Variants in FRMD4B observed in about 807,000 individuals in gnomAD.
FRMD4B encodes FERM domain-containing protein 4B.
Under a neutral mutation model 141.5 loss-of-function variants are expected in FRMD4B, and 74 were observed. The observed-to-expected ratio is 0.52, with a 90% CI of 0.43 to 0.63. The LOEUF (loss-of-function observed/expected upper bound fraction) is 0.63, where lower values mean the gene tolerates loss of function less well. Ranked by LOEUF, FRMD4B falls within the 30% of genes least tolerant of loss-of-function variation. The pLI is 0.00. For missense variants in FRMD4B, 1,366 were observed against 1,253.4 expected (o/e 1.09, Z -1.36); for synonymous variants, 506 against 467.9 (o/e 1.08, Z -1.05).
intron 1 of FRMD4B, among the ~76,000 whole-genome samples, chr3:69,440,063 A>G (rs1232080262): frequency 6.6e-6 from 1 of 152,200 alleles, no homozygotes; most frequent in Non-Finnish European, 1.5e-5. Context: ...CATGTTATGC[A>G]GAAGTTATAC....
chr3:69,449,971 T>C (rs1705469449), intron 1 of FRMD4B, among the ~76,000 whole-genome samples: 1 of 152,286 alleles, frequency 6.6e-6, no homozygotes, highest in African/African-American at 2.4e-5. Flanking sequence ...GACAAGCTTG[T>C]GGGCATGGAA....
intron 2 of FRMD4B, among the ~76,000 whole-genome samples, chr3:69,428,788 C>T (rs1430793595): frequency 6.6e-6 from 1 of 152,130 alleles, no homozygotes; most frequent in Non-Finnish European, 1.5e-5. Flanking sequence ...TCTCATCCTT[C>T]TCTAGAACAT....
intron 1 of FRMD4B, among the ~76,000 whole-genome samples, chr3:69,451,602 C>G (rs1705499256): frequency 6.6e-6 from 1 of 152,184 alleles, no homozygotes; most frequent in South Asian, 2.1e-4. Flanking sequence ...CAGAACATGG[C>G]AAAGCTGAGA....
In FRMD4B at chr3:69,332,053, T is replaced by C. The variant is rs181315565; in HGVS notation, c.163-18536A>G. Among the ~76,000 whole-genome samples, 234 of 152,106 alleles carry C rather than the reference T, an allele frequency of 1.5e-3. 1 individual carries two copies. Among genetic ancestry groups the C allele is most frequent in the Admixed American group, 3.1e-3 (48 of 15,272 alleles). The stretch of plus-strand genomic sequence containing the variant: ...AGTCAGCTGAGATCACGCCACTGCA[T>C]TCCAGCCTGGGCGACACAGCAAGAC... On this transcript the variant is annotated intron_variant, in intron 1 of 22. Transcript: ENST00000398540.
chr3:69,434,062 G>T (rs1705222433), intron 1 of FRMD4B, among the ~76,000 whole-genome samples: 1 of 152,156 alleles, frequency 6.6e-6, no homozygotes, highest in African/African-American at 2.4e-5. Flanking sequence ...CATCTTTCTT[G>T]TGTCTGCCCG....
chr3:69,231,497 A>G (rs2093305449), intron 7 of FRMD4B, among the ~76,000 whole-genome samples: 1 of 152,236 alleles, frequency 6.6e-6, no homozygotes. Flanking sequence ...CATGTTGGCC[A>G]GGCTGTTCTC....
chr3:69,393,370 C>T (rs2106729494), intron 2 of FRMD4B, among the ~76,000 whole-genome samples: 1 of 147,822 alleles, frequency 6.8e-6, no homozygotes, highest in Non-Finnish European at 1.5e-5. Context: ...GAGACTTTGT[C>T]TTGTACCCAT....
At chr3:69,428,091 A>G (rs1705116385) in intron 2 of FRMD4B, among the ~76,000 whole-genome samples, 1 of 152,066 alleles carries the variant, frequency 6.6e-6, no homozygotes, top group East Asian at 2.0e-4. Context: ...AGTTGTAACT[A>G]TGCAGTAGAA....
intron 1 of FRMD4B, among the ~76,000 whole-genome samples, chr3:69,477,870 C>G (rs1274100514): frequency 6.6e-6 from 1 of 151,732 alleles, no homozygotes; most frequent in East Asian, 1.9e-4. Context: ...TGATTATTGC[C>G]ACAATTTCAG....
At chr3:69,321,642 A>C (rs1702001371) in intron 1 of FRMD4B, among the ~76,000 whole-genome samples, 1 of 152,202 alleles carries the variant, frequency 6.6e-6, no homozygotes, top group Admixed American at 6.5e-5. Context: ...CGTGGTATAT[A>C]AATATCTGCT....
At chr3:69,345,192 C>T (rs1340829880) in intron 1 of FRMD4B, among the ~76,000 whole-genome samples, 1 of 152,244 alleles carries the variant, frequency 6.6e-6, no homozygotes, top group Non-Finnish European at 1.5e-5. Flanking sequence ...AGATTATATC[C>T]TGCACCTGAC....
At chr3:69,446,501 T>C (rs1201237529) in intron 1 of FRMD4B, among the ~76,000 whole-genome samples, 3 of 152,046 alleles carry the variant, frequency 2.0e-5, no homozygotes, top group Non-Finnish European at 4.4e-5. Context: ...CCTGGCTAAT[T>C]TTCACATTTT....
intron 4 of FRMD4B, among the ~76,000 whole-genome samples, chr3:69,293,879 TC>T (rs1244542184): frequency 1.1e-4 from 1 of 9,180 alleles, no homozygotes; most frequent in African/African-American, 4.0e-4. Context: ...AGATTCTGCC[TC>T]AAAAAAAAAA....
chr3:69,509,917 C>G (rs920162304), intron 1 of FRMD4B, among the ~76,000 whole-genome samples: 2 of 150,384 alleles, frequency 1.3e-5, no homozygotes, highest in African/African-American at 2.4e-5. Flanking sequence ...TTTTGATTTC[C>G]CAGTACATAT....
chr3:69,169,093 T>C lies in FRMD4B; in HGVS notation c.*2768A>G, dbSNP rs569213913. On this transcript the variant is annotated 3_prime_UTR_variant, in exon 23 of 23. Coordinates refer to ENST00000398540, the MANE Select transcript of FRMD4B (RefSeq NM_015123.3). ...GAAAAAAATCCAAACAAATATACAA[T>C]AAATTAACTATTATATCTGAGAGTG... 6.9e-3 allele frequency among the ~76,000 whole-genome samples: 266 copies of C among 38,804 alleles called. No individual in the cohort carries two copies. The Non-Finnish European group carries it at 0.1, about 15-fold the overall frequency. The allele number at this position is 38,804 out of a possible 152,430, so 25.5% of individuals were successfully genotyped here. A position where few individuals can be genotyped will look rare whatever the true frequency, so the allele number is the denominator to read the frequency against.
chr3:69,387,367 T>G (rs1396626729), upstream of FRMD4B, among the ~76,000 whole-genome samples: 1 of 152,164 alleles, frequency 6.6e-6, no homozygotes, highest in African/African-American at 2.4e-5. Context: ...TCTTCCAGCC[T>G]CAGCCTCCCA....
At chr3:69,507,808 TA>T (rs960598893) in intron 1 of FRMD4B, among the ~76,000 whole-genome samples, 2 of 151,720 alleles carry the variant, frequency 1.3e-5, no homozygotes, top group Admixed American at 1.3e-4. Context: ...AACTAAGCCC[TA>T]AAAAAAATTG....
chr3:69,200,566 A>C (rs2092955871), intron 11 of FRMD4B: 1 of 1,134,260 alleles, frequency 8.8e-7, no homozygotes, highest in Admixed American at 3.8e-5. Flanking sequence ...TGAGCCTCCC[A>C]CGGCTGACAC....
At chr3:69,342,240 A>C (rs983978514) in intron 1 of FRMD4B, among the ~76,000 whole-genome samples, 2 of 152,222 alleles carry the variant, frequency 1.3e-5, no homozygotes, top group African/African-American at 4.8e-5. Flanking sequence ...CTTGACCTGA[A>C]GGCAAGACCA....
Sources: allele counts gnomAD v4.1 joint callset (sites outside exome capture counted in the v4.1 genomes callset), GRCh38; gene constraint gnomAD v4.1.1; transcripts MANE v1.5; gene names NCBI Gene and HGNC (gene_info 2026-07-23, HGNC 2026-07-21).